Variants in PCDHA6 observed in about 807,000 individuals in gnomAD.
The protein encoded by PCDHA6 is protocadherin alpha 6, also known as protocadherin alpha-6.
In PCDHA6, 55 loss-of-function variants were observed where a neutral mutation model predicts 60.3. That is an observed-to-expected ratio of 0.91 (90% CI 0.73 to 1.14). The LOEUF (loss-of-function observed/expected upper bound fraction) is 1.14, where lower values mean the gene tolerates loss of function less well. Among genes scored for constraint, PCDHA6 ranks in the 50% most tolerant of loss-of-function variants. The probability of loss-of-function intolerance (pLI) is 0.00; values close to 1 mark genes in which losing one functional copy is unlikely to be tolerated. For missense variants in PCDHA6, 1,327 were observed against 1,256.5 expected (o/e 1.06, Z -0.85); for synonymous variants, 652 against 557.9 (o/e 1.17, Z -2.38).
chr5:140,968,670 T>C lies in PCDHA6; in HGVS notation c.2395-10279T>C, dbSNP rs782754896. 23 of 1,614,180 alleles carry C rather than the reference T, an allele frequency of 1.4e-5. No homozygotes were observed. Among genetic ancestry groups the C allele is most frequent in the Non-Finnish European group, 1.8e-5 (21 of 1,180,034 alleles). On this transcript the variant is annotated intron_variant, in intron 1 of 3. Coordinates refer to ENST00000529310, the MANE Select transcript of PCDHA6 (RefSeq NM_018909.4). ...ACTTCTGACCTGGACCTCTTTAAGG[T>C]AGAGCTGCACACAGGAGAAATTAGG...
chr5:140,880,851 A>T lies in PCDHA6; in HGVS notation c.2394+50366A>T, dbSNP rs577713176. 2.0e-5 allele frequency among the ~76,000 whole-genome samples: 3 copies of T among 152,322 alleles called. No individual in the cohort carries two copies. In the South Asian group the frequency reaches 6.2e-4, roughly 32 times the overall value. On this transcript the variant is annotated intron_variant, in intron 1 of 3. Coordinates refer to ENST00000529310, the MANE Select transcript of PCDHA6 (RefSeq NM_018909.4). The stretch of plus-strand genomic sequence containing the variant: ...GCATATTTTAAATGGTTGACTATGT[A>T]GTCTAATTATGTGAAGAGGTAAATA...
At chr5:140,877,839 A>G (rs2057367244) in intron 1 of PCDHA6, 12 of 1,582,068 alleles carry the variant, frequency 7.6e-6, no homozygotes, top group Non-Finnish European at 9.4e-6. Flanking sequence ...CTCCCAGTGA[A>G]GTAAGTTATT....
intron 1 of PCDHA6, among the ~76,000 whole-genome samples, chr5:140,900,452 T>A (rs2068062293): frequency 6.6e-6 from 1 of 152,222 alleles, no homozygotes; most frequent in South Asian, 2.1e-4. Flanking sequence ...TAATTTTTTA[T>A]TTTTAGTAGA....
intron 1 of PCDHA6, among the ~76,000 whole-genome samples, chr5:140,925,600 A>G (rs1489455075): frequency 6.6e-6 from 1 of 151,508 alleles, no homozygotes; most frequent in African/African-American, 2.4e-5. Context: ...TACATATGTA[A>G]CAAACCTGCA....
chr5:140,904,522 C>T (rs1241157884), intron 1 of PCDHA6, among the ~76,000 whole-genome samples: 1 of 151,956 alleles, frequency 6.6e-6, no homozygotes, highest in Admixed American at 6.6e-5. Flanking sequence ...CTGCTATAAA[C>T]TTGTGTGTTC....
intron 1 of PCDHA6, chr5:140,861,384 C>G (rs1354784257): frequency 2.5e-5 from 11 of 437,330 alleles, no homozygotes; most frequent in African/African-American, 2.2e-4. Context: ...TGCGCAGGAC[C>G]TGGGTCTGGA....
chr5:140,876,774 G>A lies in PCDHA6; in HGVS notation c.2394+46289G>A, dbSNP rs370558767. 5.3e-5 allele frequency: 85 copies of A among 1,614,110 alleles called. No homozygotes were observed. The South Asian group carries it at 8.5e-4, about 16-fold the overall frequency. ...CTGCGCGGGATGGGGGCTCGCCTTC[G>A]CTGTGGGCCACGGCTAGAGTGTCCG... is the stretch of plus-strand genomic sequence containing the variant. On this transcript the variant is annotated intron_variant, in intron 1 of 3. Coordinates refer to ENST00000529310, the MANE Select transcript of PCDHA6 (RefSeq NM_018909.4).
rs2150348656 is a variant in PCDHA6, at chr5:140,842,958, G to A, written c.2394+12473G>A. On this transcript the variant is annotated intron_variant, in intron 1 of 3. Transcript: ENST00000529310. ...CGCGACGCGGGCGTGCCGCCTCTGG[G>A]CAGCAACGTGACGCTGCAGGTGTTC... 1.4e-5 allele frequency: 22 copies of A among 1,594,922 alleles called. 1 individual carries two copies. The South Asian group carries it at 2.2e-4, about 16-fold the overall frequency.
chr5:140,888,712 A>G (rs567823119), intron 1 of PCDHA6, among the ~76,000 whole-genome samples: 34 of 152,168 alleles, frequency 2.2e-4, no homozygotes, highest in Non-Finnish European at 4.1e-4. Flanking sequence ...GGAATGTGAA[A>G]TATTTCCAGC....
chr5:140,875,938 G>A (rs375005102), intron 1 of PCDHA6: 5 of 1,614,020 alleles, frequency 3.1e-6, no homozygotes, highest in Middle Eastern at 1.6e-4. Flanking sequence ...TCCTCTAGAG[G>A]GCGCTTCTGA....
At chr5:140,971,096 A>G (rs1240805149) in intron 1 of PCDHA6, among the ~76,000 whole-genome samples, 1 of 152,180 alleles carries the variant, frequency 6.6e-6, no homozygotes, top group African/African-American at 2.4e-5. Context: ...ATTCTTGTGA[A>G]GCCCTTTGGG....
intron 1 of PCDHA6, chr5:140,860,038 C>T (rs1333374793): frequency 6.6e-6 from 1 of 151,844 alleles, no homozygotes; most frequent in African/African-American, 2.4e-5. Context: ...CCTGTAATCC[C>T]AGCATTTTGA....
rs2150178993 is a variant in PCDHA6, at chr5:140,829,977, G to T, written c.1886G>T (p.Gly629Val). Residue 629 changes from glycine (G) to valine (V), a missense_variant, in exon 1 of 4, where the codon GGC becomes GTC. Gly to Val is a moderately radical substitution (Grantham distance 109). Transcript: ENST00000529310. ...CCGTTTCGCGTGGGGCTGTACACGG[G>T]CGAGATCAGCACCACTCGTGTCCTG... ...RFPFRVGLYT[G>V]EISTTRVLDE... 6.2e-7 allele frequency: 1 copy of T among 1,613,860 alleles called. No individual in the cohort carries two copies. The highest frequency in any genetic ancestry group is 8.5e-7 in the Non-Finnish European group (1 of 1,179,918).
chr5:140,927,769 G>A (rs1471080821), intron 1 of PCDHA6: 4 of 1,614,084 alleles, frequency 2.5e-6, no homozygotes, highest in African/African-American at 2.7e-5. Context: ...AAGTGGGGAG[G>A]TGCAAGTAGC....
At chr5:140,978,703 G>A (rs556167285) in intron 1 of PCDHA6, among the ~76,000 whole-genome samples, 9 of 152,210 alleles carry the variant, frequency 5.9e-5, no homozygotes, top group Non-Finnish European at 1.3e-4. Flanking sequence ...AGCCAAAGGT[G>A]GCCTTTACAA....
At chr5:140,884,044 G>A (rs374333847) in intron 1 of PCDHA6, 16 of 1,613,358 alleles carry the variant, frequency 9.9e-6, no homozygotes, top group Non-Finnish European at 1.4e-5. Context: ...ACGTGGTGGC[G>A]AAGGTGCGCG....
intron 1 of PCDHA6, among the ~76,000 whole-genome samples, chr5:140,878,595 A>G (rs1413193453): frequency 6.6e-6 from 1 of 152,192 alleles, no homozygotes; most frequent in East Asian, 1.9e-4. Flanking sequence ...CCTATTACCA[A>G]GTGAATCTTC....
At chr5:140,862,429 A>G (rs2047360800) in intron 1 of PCDHA6, 1 of 354,378 alleles carries the variant, frequency 2.8e-6, no homozygotes, top group Admixed American at 3.8e-5. Context: ...CCCAGAAACT[A>G]TTCGTTGGTA....
chr5:140,931,314 A>G (rs782684940), intron 1 of PCDHA6, among the ~76,000 whole-genome samples: 3 of 152,176 alleles, frequency 2.0e-5, no homozygotes, highest in Non-Finnish European at 4.4e-5. Context: ...GGAGAATACC[A>G]GTAATGGCTG....
Sources: allele counts gnomAD v4.1 joint callset (sites outside exome capture counted in the v4.1 genomes callset), GRCh38; gene constraint gnomAD v4.1.1; transcripts MANE v1.5; gene names NCBI Gene and HGNC (gene_info 2026-07-23, HGNC 2026-07-21).